LOC128706665: variants seen among roughly 807,000 people sequenced by gnomAD.
At chr20:10,427,029 G>GACACACAC in the LOC128706665 span, among the ~76,000 whole-genome samples, 3,696 of 130,648 alleles carry the variant, frequency 0.028, 122 homozygotes, top group Middle Eastern at 0.051. Context: ...AGAAAACACT[G>GACACACAC]ACACACACAC....
chr20:10,431,790 C>T, the LOC128706665 span: 4 of 152,288 alleles, frequency 2.6e-5, no homozygotes, highest in East Asian at 5.8e-4. Context: ...ATTCCTAGTG[C>T]GTAGCAGAAA....
chr20:10,430,465 T>C, the LOC128706665 span, among the ~76,000 whole-genome samples: 1 of 152,152 alleles, frequency 6.6e-6, no homozygotes, highest in Non-Finnish European at 1.5e-5. Context: ...ATTTTGATTA[T>C]GTCAAAAAGA....
At chr20:10,433,624 A>G in the LOC128706665 span, among the ~76,000 whole-genome samples, 7 of 152,318 alleles carry the variant, frequency 4.6e-5, no homozygotes, top group East Asian at 1.4e-3. Flanking sequence ...CAGCCCTGCA[A>G]GCCCCGCGGC....
the LOC128706665 span, among the ~76,000 whole-genome samples, chr20:10,422,385 G>A: frequency 1.3e-5 from 2 of 152,094 alleles, no homozygotes. Flanking sequence ...TTTTTAGAGG[G>A]AATCAATTAC....
the LOC128706665 span, among the ~76,000 whole-genome samples, chr20:10,430,433 T>G: frequency 1.3e-5 from 2 of 152,312 alleles, no homozygotes; most frequent in South Asian, 4.1e-4. Flanking sequence ...TTGTCTGGGC[T>G]CAGTAATTGT....
the LOC128706665 span, among the ~76,000 whole-genome samples, chr20:10,420,226 T>A: frequency 6.6e-6 from 1 of 152,140 alleles, no homozygotes; most frequent in Non-Finnish European, 1.5e-5. Context: ...AATTTGGACT[T>A]TTGTGATATG....
At chr20:10,421,586 T>C in the LOC128706665 span, among the ~76,000 whole-genome samples, 34 of 152,214 alleles carry the variant, frequency 2.2e-4, no homozygotes, top group African/African-American at 7.5e-4. Context: ...CAGTAAAAGA[T>C]TTCTGGCTTG....
chr20:10,423,419 C>CA, the LOC128706665 span, among the ~76,000 whole-genome samples: 3 of 151,100 alleles, frequency 2.0e-5, no homozygotes, highest in East Asian at 1.9e-4. Context: ...GCGATCGTTT[C>CA]AAAAAAACAA....
the LOC128706665 span, among the ~76,000 whole-genome samples, chr20:10,420,983 T>C: frequency 6.6e-6 from 1 of 152,214 alleles, no homozygotes; most frequent in Non-Finnish European, 1.5e-5. Context: ...CAATACTGAC[T>C]TTTTGGCAAC....
the LOC128706665 span, among the ~76,000 whole-genome samples, chr20:10,420,241 G>A: frequency 6.6e-6 from 1 of 152,138 alleles, no homozygotes; most frequent in Non-Finnish European, 1.5e-5. Flanking sequence ...GATATGTAAT[G>A]GTAAGGAGTC....
At chr20:10,427,029 GACACACACACACACACACACACACAC>G in the LOC128706665 span, among the ~76,000 whole-genome samples, 27 of 130,722 alleles carry the variant, frequency 2.1e-4, no homozygotes, top group Non-Finnish European at 3.6e-4. Context: ...AGAAAACACT[GACACACACACACACACACACACACAC>G]ACACACACAC....
the LOC128706665 span, among the ~76,000 whole-genome samples, chr20:10,422,737 A>C: frequency 6.7e-6 from 1 of 148,868 alleles, no homozygotes; most frequent in Non-Finnish European, 1.5e-5. Flanking sequence ...TGTGAGACAG[A>C]GTCTTGCTCT....
At chr20:10,426,666 G>A in the LOC128706665 span, among the ~76,000 whole-genome samples, 4 of 152,228 alleles carry the variant, frequency 2.6e-5, no homozygotes, top group Non-Finnish European at 2.9e-5. Context: ...CCAAAGTGCT[G>A]GGATTACAGG....
chr20:10,413,827 C>T, the LOC128706665 span: 15 of 472,280 alleles, frequency 3.2e-5, no homozygotes, highest in Non-Finnish European at 4.8e-5. Context: ...AGATGGACAC[C>T]TATGAAAGAT....
the LOC128706665 span, among the ~76,000 whole-genome samples, chr20:10,422,724 T>G: frequency 6.6e-6 from 1 of 151,826 alleles, no homozygotes; most frequent in African/African-American, 2.4e-5. Flanking sequence ...TTTTTTTTTT[T>G]TTTGTGAGAC....
At chr20:10,414,289 G>A in the LOC128706665 span, among the ~76,000 whole-genome samples, 1 of 145,078 alleles carries the variant, frequency 6.9e-6, no homozygotes, top group Admixed American at 6.8e-5. Context: ...TTTTGAGATG[G>A]AGTTTCGCTC....
At chr20:10,415,866 A>G in the LOC128706665 span, among the ~76,000 whole-genome samples, 9 of 152,256 alleles carry the variant, frequency 5.9e-5, no homozygotes, top group African/African-American at 2.2e-4. Context: ...TTTCATTAAA[A>G]TGACAAAGAA....
the LOC128706665 span, among the ~76,000 whole-genome samples, chr20:10,433,321 A>G: frequency 6.6e-6 from 1 of 152,154 alleles, no homozygotes; most frequent in East Asian, 1.9e-4. Context: ...AATATTTTCT[A>G]TCCGCAGTTG....
At chr20:10,417,640 T>C in the LOC128706665 span, among the ~76,000 whole-genome samples, 64 of 149,726 alleles carry the variant, frequency 4.3e-4, no homozygotes, top group African/African-American at 1.5e-3. Context: ...AGCTATGATA[T>C]GCTACTGCTA....
Sources: gnomAD v4.1 joint callset for allele counts (sites outside exome capture counted in the v4.1 genomes callset) on GRCh38, gnomAD v4.1.1 for gene constraint, MANE v1.5 for transcripts.